Variants in CSMD3 observed in about 807,000 individuals in gnomAD.
CSMD3 encodes the protein CUB and sushi domain-containing protein 3.
In CSMD3, 177 loss-of-function variants were observed where a neutral mutation model predicts 435.2. The observed-to-expected ratio is 0.41, with a 90% confidence interval of 0.36 to 0.46. The LOEUF is 0.46. Among genes scored for constraint, CSMD3 ranks in the 20% least tolerant of loss-of-function variants. The probability of loss-of-function intolerance (pLI) is 0.34; values close to 1 mark genes in which losing one functional copy is unlikely to be tolerated. For synonymous variants in CSMD3, 1,656 were observed against 1,520.5 expected, an observed-to-expected ratio of 1.09 and a Z score of -2.07; for missense variants, 4,265 against 4,504.6, an observed-to-expected ratio of 0.95 and a Z score of 1.52.
intron 41 of CSMD3, among the ~76,000 whole-genome samples, chr8:112,345,599 T>A (rs1175710014): frequency 6.6e-6 from 1 of 152,026 alleles, no homozygotes; most frequent in Non-Finnish European, 1.5e-5. Context: ...ATTAAGAAAA[T>A]GTTGGTTAAA....
chr8:113,270,637 A>G (rs1160477678), intron 3 of CSMD3, among the ~76,000 whole-genome samples: 1 of 152,134 alleles, frequency 6.6e-6, no homozygotes, highest in African/African-American at 2.4e-5. Context: ...ATGGAATACT[A>G]TGCAGCCATA....
chr8:112,440,339 A>G (rs1306148180), intron 32 of CSMD3, among the ~76,000 whole-genome samples: 1 of 152,134 alleles, frequency 6.6e-6, no homozygotes, highest in Admixed American at 6.5e-5. Context: ...TTGGATTCCC[A>G]TATCCCTGGG....
intron 5 of CSMD3, among the ~76,000 whole-genome samples, chr8:113,084,388 T>C (rs2089677095): frequency 6.6e-6 from 1 of 151,880 alleles, no homozygotes; most frequent in Non-Finnish European, 1.5e-5. Context: ...AGGAAGAAAT[T>C]TAACCAATTA....
chr8:113,298,878 A>G (rs973286211), intron 2 of CSMD3, among the ~76,000 whole-genome samples: 1 of 152,214 alleles, frequency 6.6e-6, no homozygotes, highest in Admixed American at 6.5e-5. Context: ...CGATCTGCAC[A>G]CAATGCCTAT....
At chr8:113,180,921 T>C (rs1222661601) in intron 3 of CSMD3, among the ~76,000 whole-genome samples, 1 of 152,058 alleles carries the variant, frequency 6.6e-6, no homozygotes, top group Non-Finnish European at 1.5e-5. Context: ...GCTGGAGATG[T>C]TGCAAACATG....
At chr8:113,346,841 T>G (rs2094154994) in intron 1 of CSMD3, among the ~76,000 whole-genome samples, 1 of 152,150 alleles carries the variant, frequency 6.6e-6, no homozygotes, top group Non-Finnish European at 1.5e-5. Context: ...CTTTCCTCTT[T>G]TCTTTATAGA....
chr8:112,615,212 T>C (rs150441970), intron 22 of CSMD3, among the ~76,000 whole-genome samples: 129 of 152,246 alleles, frequency 8.5e-4, no homozygotes, highest in African/African-American at 3.0e-3. Context: ...AAATGTAGCA[T>C]ATCAAATTCT....
intron 2 of CSMD3, among the ~76,000 whole-genome samples, chr8:113,296,545 AC>A (rs2093723457): frequency 6.6e-6 from 1 of 152,016 alleles, no homozygotes; most frequent in African/African-American, 2.4e-5. Context: ...AACCAAACAA[AC>A]AAACAAAACA....
chr8:112,939,593 A>G (rs529115235), intron 9 of CSMD3, among the ~76,000 whole-genome samples: 3 of 152,204 alleles, frequency 2.0e-5, no homozygotes, highest in Non-Finnish European at 4.4e-5. Flanking sequence ...TACAGATGCA[A>G]TGACATACTT....
chr8:113,334,838 T>C (rs570016300), intron 1 of CSMD3, among the ~76,000 whole-genome samples: 6 of 152,236 alleles, frequency 3.9e-5, no homozygotes, highest in African/African-American at 1.2e-4. Context: ...AGTTGTCCAA[T>C]TGATGTGTAT....
chr8:112,502,868 T>C (rs1297379016), intron 30 of CSMD3, among the ~76,000 whole-genome samples: 1 of 152,184 alleles, frequency 6.6e-6, no homozygotes, highest in Non-Finnish European at 1.5e-5. Context: ...ATTATTAGTA[T>C]GCCATTCATG....
intron 3 of CSMD3, among the ~76,000 whole-genome samples, chr8:113,204,163 T>C (rs1437055920): frequency 6.6e-6 from 1 of 152,152 alleles, no homozygotes; most frequent in Non-Finnish European, 1.5e-5. Flanking sequence ...AATTTTTAAC[T>C]CTGCCCCAAG....
intron 10 of CSMD3, among the ~76,000 whole-genome samples, chr8:112,894,793 C>A (rs530025103): frequency 1.1e-4 from 16 of 150,592 alleles, no homozygotes; most frequent in Non-Finnish European, 1.8e-4. Flanking sequence ...TGGAAAATAA[C>A]CAGTAATTTG....
At position 112,888,686 on chromosome 8, in the gene CSMD3, G is replaced by A. The variant is rs117880611; in HGVS notation, c.1634-29420C>T. ...ATGCATTTATTTGTTCGTTCATATCGCTTTGTAGGTTAAGAATTGACTCAT... is the reference window on the plus strand; with the variant it reads ...ATGCATTTATTTGTTCGTTCATATCACTTTGTAGGTTAAGAATTGACTCAT... On this transcript the variant is annotated intron_variant, in intron 10 of 70. Transcript: ENST00000297405. Among the ~76,000 whole-genome samples, 949 of 151,664 alleles carry A rather than the reference G, an allele frequency of 6.3e-3. 33 individuals are homozygous for A. The East Asian group carries it at 0.11, about 17-fold the overall frequency.
intron 13 of CSMD3, among the ~76,000 whole-genome samples, chr8:112,773,901 T>C (rs888530698): frequency 3.9e-4 from 59 of 152,022 alleles, no homozygotes; most frequent in East Asian, 1.9e-4. Context: ...GCGTGAGCTT[T>C]TAGGAAAGCA....
intron 38 of CSMD3, among the ~76,000 whole-genome samples, chr8:112,365,149 T>C (rs987296489): frequency 1.3e-5 from 2 of 152,098 alleles, no homozygotes; most frequent in Non-Finnish European, 2.9e-5. Flanking sequence ...ATCTGGTATG[T>C]TTGCCTTAAT....
chr8:112,825,565 T>G (rs969372657), intron 12 of CSMD3, among the ~76,000 whole-genome samples: 1 of 152,192 alleles, frequency 6.6e-6, no homozygotes, highest in Admixed American at 6.5e-5. Context: ...TTGTTTGTTT[T>G]TCTTTCAATG....
chr8:113,349,376 A>G (rs2094174458), intron 1 of CSMD3, among the ~76,000 whole-genome samples: 2 of 152,172 alleles, frequency 1.3e-5, no homozygotes, highest in South Asian at 2.1e-4. Context: ...AAATTTTATC[A>G]TCACTATTGA....
rs535970220 is a variant in CSMD3 at position 112,798,856 on chromosome 8, A to C, written c.1972+1306T>G. Among the ~76,000 whole-genome samples the C allele has an allele frequency of 2.6e-5, 4 of 151,988 alleles. No individual in the cohort carries two copies. In the East Asian group the frequency reaches 7.7e-4, roughly 29 times the overall value. Reference sequence around the variant, plus strand: ...ATAAGAATGCCAGGTTTCCTTAGCCATTTAGAGGGAGAAGGGGAAGAAACA... The same window carrying C: ...ATAAGAATGCCAGGTTTCCTTAGCCCTTTAGAGGGAGAAGGGGAAGAAACA... On this transcript the variant is annotated intron_variant, in intron 13 of 70. Transcript: ENST00000297405.
Sources: allele counts gnomAD v4.1 joint callset (sites outside exome capture counted in the v4.1 genomes callset), GRCh38; gene constraint gnomAD v4.1.1; transcripts MANE v1.5; gene names NCBI Gene and HGNC (gene_info 2026-07-23, HGNC 2026-07-21).